DAB1: variants seen among roughly 807,000 people sequenced by gnomAD.
DAB1 encodes the protein disabled homolog 1.
A neutral mutation model predicts 64.6 loss-of-function variants in DAB1; 15 were observed. The observed-to-expected ratio is 0.23, with a 90% confidence interval of 0.16 to 0.36. The LOEUF (loss-of-function observed/expected upper bound fraction) is 0.36. Ranked by LOEUF, DAB1 falls within the 10% of genes least tolerant of loss-of-function variation. The pLI is 1.00. For synonymous variants in DAB1, 235 were observed against 251.9 expected, an observed-to-expected ratio of 0.93 and a Z score of 0.64; for missense variants, 596 against 706.7, an observed-to-expected ratio of 0.84 and a Z score of 1.78.
rs567922296 is a variant in DAB1, at chr1:58,138,434, T to C, written n.387+12077A>G. On this transcript the variant is annotated intron_variant and non_coding_transcript_variant, in intron 5 of 20. Transcript: ENST00000485760. ...AAATTTCAACCAGAGAAGGTAGGGTTCTAGAGGTAGAGAGGGCCAAGAAGG... is the reference window on the plus strand; with the variant it reads ...AAATTTCAACCAGAGAAGGTAGGGTCCTAGAGGTAGAGAGGGCCAAGAAGG... Among the ~76,000 whole-genome samples the C allele has an allele frequency of 2.6e-5, 4 of 152,254 alleles. No individual in the cohort carries two copies. In the South Asian group the frequency reaches 8.3e-4, roughly 32 times the overall value.
intron 6 of DAB1, among the ~76,000 whole-genome samples, chr1:57,752,218 T>G (rs1456272587): frequency 6.6e-6 from 1 of 152,244 alleles, no homozygotes; most frequent in Non-Finnish European, 1.5e-5. Flanking sequence ...TTTTTATTCA[T>G]TTTAAGTTAT....
At chr1:58,375,927 A>G (rs565800075) in intron 3 of DAB1, among the ~76,000 whole-genome samples, 1 of 143,572 alleles carries the variant, frequency 7.0e-6, no homozygotes. Flanking sequence ...GTATGTGTCC[A>G]GGAATGTATC....
At chr1:57,028,974 A>G (rs1206595372) in intron 9 of DAB1, among the ~76,000 whole-genome samples, 2 of 152,240 alleles carry the variant, frequency 1.3e-5, no homozygotes, top group East Asian at 3.8e-4. Context: ...AATTTGCATA[A>G]GTAGCAAGGA....
chr1:57,303,186 T>C (rs1673816369), intron 1 of DAB1, among the ~76,000 whole-genome samples: 1 of 152,156 alleles, frequency 6.6e-6, no homozygotes, highest in African/African-American at 2.4e-5. Flanking sequence ...GGATGGGGGT[T>C]ATATACTGCA....
chr1:57,230,229 G>T lies in DAB1; in HGVS notation c.67+60735C>A, dbSNP rs186347233. ...GAAATTGTGTAAGCTACCATTCAGA[G>T]ATTGCTTTAACCATTTGTTTTGCTT... On this transcript the variant is annotated intron_variant, in intron 2 of 14. Coordinates refer to ENST00000371236, the MANE Select transcript of DAB1 (RefSeq NM_001365792.1). 3.8e-4 allele frequency among the ~76,000 whole-genome samples: 57 copies of T among 150,778 alleles called. No homozygotes were observed. In the East Asian group the frequency reaches 0.011, roughly 30 times the overall value.
intron 3 of DAB1, among the ~76,000 whole-genome samples, chr1:58,470,110 CTTTCTCTTTATTTA>C (rs1402205919): frequency 1.3e-5 from 2 of 149,844 alleles, no homozygotes; most frequent in Admixed American, 1.3e-4. Context: ...AAAGCTGGGA[CTTTCTCTTTATTTA>C]TTTATTTATT....
intron 3 of DAB1, among the ~76,000 whole-genome samples, chr1:58,358,052 T>G (rs1458292531): frequency 6.6e-6 from 1 of 152,264 alleles, no homozygotes; most frequent in Non-Finnish European, 1.5e-5. Flanking sequence ...AAGACCTTTC[T>G]GCTGAACTGA....
intron 6 of DAB1, among the ~76,000 whole-genome samples, chr1:57,727,007 G>A (rs1365460017): frequency 2.0e-5 from 3 of 152,184 alleles, no homozygotes; most frequent in Non-Finnish European, 4.4e-5. Flanking sequence ...AGTTGAGTGT[G>A]AATTTATGAA....
chr1:58,188,276 C>T (rs1005195337), intron 4 of DAB1, among the ~76,000 whole-genome samples: 2 of 152,184 alleles, frequency 1.3e-5, no homozygotes, highest in South Asian at 2.1e-4. Flanking sequence ...AGATCATACG[C>T]GGCTAGTATT....
At chr1:58,499,791 T>A (rs983512254) in intron 3 of DAB1, among the ~76,000 whole-genome samples, 1 of 151,538 alleles carries the variant, frequency 6.6e-6, no homozygotes, top group African/African-American at 2.4e-5. Context: ...TTAGTTAAAG[T>A]AAATAAAAAA....
At chr1:58,061,336 C>G (rs887099664) in intron 5 of DAB1, among the ~76,000 whole-genome samples, 1 of 152,178 alleles carries the variant, frequency 6.6e-6, no homozygotes, top group Non-Finnish European at 1.5e-5. Context: ...AGTTGAGGAG[C>G]TAGAAGTCCA....
At chr1:58,211,898 G>A (rs1018888073) in intron 4 of DAB1, among the ~76,000 whole-genome samples, 5 of 152,016 alleles carry the variant, frequency 3.3e-5, no homozygotes, top group Admixed American at 1.3e-4. Flanking sequence ...GTTTTCAGAC[G>A]CTCTGTCCTT....
intron 1 of DAB1, among the ~76,000 whole-genome samples, chr1:57,350,415 G>A (rs987682369): frequency 6.6e-6 from 1 of 152,152 alleles, no homozygotes; most frequent in Non-Finnish European, 1.5e-5. Flanking sequence ...TAGGTTCAAA[G>A]CTGTGTAGTA....
chr1:57,371,854 G>T (rs1326556468), intron 1 of DAB1, among the ~76,000 whole-genome samples: 3 of 152,190 alleles, frequency 2.0e-5, no homozygotes, highest in Non-Finnish European at 4.4e-5. Flanking sequence ...ATTGTCACTT[G>T]TGATGTGGGG....
chr1:58,228,685 A>C, intron 4 of DAB1: 1 of 1,132,770 alleles, frequency 8.8e-7, no homozygotes, highest in Non-Finnish European at 1.3e-6. Context: ...GTGAGGGCTC[A>C]GTACCTCTTA....
At chr1:57,257,599 T>A (rs532706568) in intron 2 of DAB1, among the ~76,000 whole-genome samples, 1 of 152,202 alleles carries the variant, frequency 6.6e-6, no homozygotes, top group Admixed American at 6.5e-5. Flanking sequence ...TGTATTTGTC[T>A]CCTATGTGAT....
chr1:58,368,143 A>C (rs370028280), intron 3 of DAB1, among the ~76,000 whole-genome samples: 6 of 152,324 alleles, frequency 3.9e-5, no homozygotes, highest in African/African-American at 1.4e-4. Flanking sequence ...GGTAAGCAGA[A>C]TTTAAAATGT....
intron 3 of DAB1, among the ~76,000 whole-genome samples, chr1:58,505,512 G>A (rs1360389443): frequency 6.6e-6 from 1 of 151,990 alleles, no homozygotes; most frequent in Non-Finnish European, 1.5e-5. Context: ...GCCTCAGCTT[G>A]ACCCACTTAT....
intron 7 of DAB1, among the ~76,000 whole-genome samples, chr1:57,472,147 C>T (rs539194878): frequency 6.6e-6 from 1 of 152,244 alleles, no homozygotes; most frequent in Non-Finnish European, 1.5e-5. Flanking sequence ...AGGATAACAA[C>T]TTAGGAATGA....
Sources: gnomAD v4.1 joint callset for allele counts (sites outside exome capture counted in the v4.1 genomes callset) on GRCh38, gnomAD v4.1.1 for gene constraint, MANE v1.5 for transcripts, NCBI Gene and HGNC (gene_info 2026-07-23, HGNC 2026-07-21) for gene names.